The following RNF214 variants were observed in gnomAD, a reference collection of about 807,000 sequenced individuals.
RNF214 encodes ring finger protein 214.
In RNF214, 25 loss-of-function variants were observed where a neutral mutation model predicts 75.9. The observed-to-expected ratio is 0.33, with a 90% CI of 0.24 to 0.46. The LOEUF (loss-of-function observed/expected upper bound fraction) is 0.46, where lower values mean the gene tolerates loss of function less well. Among genes scored for constraint, RNF214 ranks in the 20% least tolerant of loss-of-function variants. The pLI is 1.00. For missense variants in RNF214, 725 were observed against 857.5 expected (o/e 0.85, Z 1.93); for synonymous variants, 314 against 308.8 (o/e 1.02, Z -0.18).
Position 117,249,089 on chromosome 11 carries a change from A to AT in RNF214, c.959+2147dup, listed in dbSNP as rs555766559. On this transcript the variant is annotated intron_variant, in intron 6 of 14. Coordinates refer to ENST00000300650, the MANE Select transcript of RNF214 (RefSeq NM_207343.4). ...AGGCGAGTGCCATCATGCCCAGATA[A>AT]TTTTTTAAATTTTTTTATAGAGATG... is the stretch of plus-strand genomic sequence containing the variant. Among the ~76,000 whole-genome samples, 340 of 152,146 alleles carry AT rather than the reference A, an allele frequency of 2.2e-3. 1 individual carries two copies. Among genetic ancestry groups the AT allele is most frequent in the African/African-American group, 8.0e-3 (331 of 41,504 alleles).
chr11:117,233,097 T>A (rs1461262165), intron 1 of RNF214, among the ~76,000 whole-genome samples: 3 of 152,096 alleles, frequency 2.0e-5, no homozygotes, highest in Non-Finnish European at 2.9e-5. Flanking sequence ...TCGCTGGTGG[T>A]CGCCCCGGGT....
chr11:117,265,568 T>C (rs2033778358), intron 6 of RNF214, among the ~76,000 whole-genome samples: 1 of 151,996 alleles, frequency 6.6e-6, no homozygotes, highest in South Asian at 2.1e-4. Flanking sequence ...CCCCCACTAC[T>C]ATGCCCAGCT....
chr11:117,265,798 T>A (rs1236608316), intron 6 of RNF214, among the ~76,000 whole-genome samples: 3 of 152,236 alleles, frequency 2.0e-5, no homozygotes, highest in Non-Finnish European at 2.9e-5. Flanking sequence ...TACATTTTGA[T>A]GAGTTTTGAC....
intron 6 of RNF214, among the ~76,000 whole-genome samples, chr11:117,247,508 T>G (rs1009550619): frequency 1.3e-5 from 2 of 151,950 alleles, no homozygotes; most frequent in African/African-American, 4.8e-5. Flanking sequence ...AAAAAAAATT[T>G]TTTTTATATG....
intron 2 of RNF214, among the ~76,000 whole-genome samples, chr11:117,238,342 CTG>C (rs2032968638): frequency 6.6e-6 from 1 of 152,190 alleles, no homozygotes; most frequent in Non-Finnish European, 1.5e-5. Context: ...GATGTTGAGA[CTG>C]TAGTGAGCCT....
chr11:117,279,912 G>A lies in RNF214; in HGVS notation c.964G>A (p.Val322Met). 1.2e-6 allele frequency: 2 copies of A among 1,607,240 alleles called. No individual in the cohort carries two copies. The highest frequency in any genetic ancestry group is 4.5e-5 in the East Asian group (2 of 44,838). The change falls in exon 7 of 15, where the codon GTG (valine) becomes ATG (methionine). Residue 322 changes from valine (V) to methionine (M), a missense_variant. By Grantham distance (21) the Val-to-Met change is conservative. Coordinates refer to ENST00000300650, the MANE Select transcript of RNF214 (RefSeq NM_207343.4). Reference sequence around the variant, plus strand: ...TCTTGGTTTCTTATCTTACAGAGAGGTGTGGGAAATGGAACTGGATAGACT... The same window carrying A: ...TCTTGGTTTCTTATCTTACAGAGAGATGTGGGAAATGGAACTGGATAGACT... The part of the protein sequence containing the change: ...EKLCEKGRRE[V>M]WEMELDRLKN...
chr11:117,262,646 T>C (rs1565340445), intron 6 of RNF214, among the ~76,000 whole-genome samples: 1 of 151,918 alleles, frequency 6.6e-6, no homozygotes, highest in Non-Finnish European at 1.5e-5. Context: ...CCTCCCTAAG[T>C]GCTGAGATTA....
chr11:117,263,650 G>A (rs2033728344), intron 6 of RNF214: 1 of 154,656 alleles, frequency 6.5e-6, no homozygotes, highest in Non-Finnish European at 1.4e-5. Flanking sequence ...AGGGCCAGAT[G>A]ATTGACACTT....
chr11:117,257,659 C>G (rs527582043), intron 6 of RNF214, among the ~76,000 whole-genome samples: 1 of 152,150 alleles, frequency 6.6e-6, no homozygotes, highest in South Asian at 2.1e-4. Context: ...GTACTACACT[C>G]TGAGTTATAC....
chr11:117,252,741 C>T (rs572536423), intron 6 of RNF214, among the ~76,000 whole-genome samples: 4 of 151,916 alleles, frequency 2.6e-5, no homozygotes, highest in African/African-American at 7.2e-5. Context: ...AGGATGGTCT[C>T]GCTCTCCTGA....
intron 4 of RNF214, among the ~76,000 whole-genome samples, chr11:117,243,170 G>A (rs879569642): frequency 6.3e-5 from 9 of 143,948 alleles, no homozygotes; most frequent in Admixed American, 2.1e-4. Context: ...ATTTTGAGAC[G>A]GAGTCTCGCT....
At chr11:117,260,161 A>G (rs541496540) in intron 6 of RNF214, among the ~76,000 whole-genome samples, 4 of 151,804 alleles carry the variant, frequency 2.6e-5, no homozygotes, top group Non-Finnish European at 5.9e-5. Flanking sequence ...TATGATGCCC[A>G]GGTTGGAGTG....
chr11:117,244,528 C>T lies in RNF214; in HGVS notation c.762C>T (p.Leu254=). ...AACAGAGGCAAGTGGAGAATCAGCTCCAAGTGCAATTAAAGCAGCTTCAGC... is the reference window on the plus strand; with the variant it reads ...AACAGAGGCAAGTGGAGAATCAGCTTCAAGTGCAATTAAAGCAGCTTCAGC... ...LDKQRQVENQ[L]QVQLKQLQQR... Residue 254 remains leucine, a synonymous_variant, in exon 5 of 15, where the codon CTC becomes CTT. Transcript: ENST00000300650. The T allele has an allele frequency of 6.2e-7, 1 of 1,612,614 alleles. No individual in the cohort carries two copies.
rs745849348 is a variant in RNF214 at position 117,238,862 on chromosome 11, C to A, written c.369C>A (p.Ser123Arg). 6.2e-7 allele frequency: 1 copy of A among 1,614,174 alleles called. No individual in the cohort carries two copies. The highest frequency in any genetic ancestry group is 1.3e-5 in the African/African-American group (1 of 75,024). Residue 123 changes from serine to arginine, a missense_variant, in exon 3 of 15, where the codon AGC (serine) becomes AGA (arginine). Ser to Arg is a moderately radical substitution (Grantham distance 110). Coordinates refer to ENST00000300650, the MANE Select transcript of RNF214 (RefSeq NM_207343.4). ...CAGCAGGAGAGGAGGGGGACACAAG[C>A]CTTCGGGAGAGCCTCCATCCAGTCA... Reference protein sequence around the residue: ...ASTAGEEGDTSLRESLHPVTR... With the variant: ...ASTAGEEGDTRLRESLHPVTR...
At chr11:117,276,924 CTG>C (rs1471394474) in intron 6 of RNF214, among the ~76,000 whole-genome samples, 6 of 152,206 alleles carry the variant, frequency 3.9e-5, no homozygotes, top group Non-Finnish European at 7.3e-5. Flanking sequence ...TGGATTGACT[CTG>C]TAATGTATTT....
chr11:117,281,477 C>T, intron 9 of RNF214, 73 bp downstream of exon 9: 2 of 1,406,974 alleles, frequency 1.4e-6, no homozygotes, highest in South Asian at 2.3e-5. Context: ...TGGGAGGTAG[C>T]CTTTTGCATT....
At chr11:117,280,383 T>C in intron 8 of RNF214, 124 bp downstream of exon 8, 1 of 715,036 alleles carries the variant, frequency 1.4e-6, no homozygotes, top group East Asian at 2.5e-5. Flanking sequence ...ATTGTAAGGC[T>C]ATCTCTGTCT....
chr11:117,255,276 C>T (rs1272734208), intron 6 of RNF214, among the ~76,000 whole-genome samples: 1 of 152,062 alleles, frequency 6.6e-6, no homozygotes, highest in Non-Finnish European at 1.5e-5. Flanking sequence ...TCTTCCTGTC[C>T]TTGTATCTGA....
intron 4 of RNF214, among the ~76,000 whole-genome samples, chr11:117,243,214 T>G (rs922154125): frequency 6.6e-6 from 1 of 152,242 alleles, no homozygotes; most frequent in Non-Finnish European, 1.5e-5. Flanking sequence ...GGGCACAGTC[T>G]CTGCTCACTG....
Sources: allele counts gnomAD v4.1 joint callset (sites outside exome capture counted in the v4.1 genomes callset), GRCh38; gene constraint gnomAD v4.1.1; transcripts MANE v1.5; gene names NCBI Gene and HGNC (gene_info 2026-07-23, HGNC 2026-07-21).